The following RASGEF1C variants were observed in gnomAD, a reference collection of about 807,000 sequenced individuals.
RASGEF1C encodes RasGEF domain family member 1C.
Under a neutral mutation model 58.1 loss-of-function variants are expected in RASGEF1C, and 27 were observed. The ratio of observed to expected loss-of-function variants is 0.46; its 90% CI spans 0.34 to 0.64. The LOEUF is 0.64. RASGEF1C is among the 30% of genes least tolerant of loss of function. The pLI is 0.01. For synonymous variants in RASGEF1C, 243 were observed against 246.3 expected (o/e 0.99, Z 0.13); for missense variants, 502 against 605.1 (o/e 0.83, Z 1.79).
intron 1 of RASGEF1C, among the ~76,000 whole-genome samples, chr5:180,172,028 G>C (rs1767115490): frequency 6.6e-6 from 1 of 152,208 alleles, no homozygotes; most frequent in Admixed American, 6.5e-5. Context: ...ACACCCGCAA[G>C]GAATCTGCAC....
chr5:180,154,636 A>C (rs1016796586), intron 1 of RASGEF1C, among the ~76,000 whole-genome samples: 2 of 147,892 alleles, frequency 1.4e-5, no homozygotes, highest in Non-Finnish European at 3.0e-5. Flanking sequence ...CCTGGAGTGC[A>C]GTGGTGCAAA....
chr5:180,193,012 C>T (rs960329419), intron 1 of RASGEF1C, among the ~76,000 whole-genome samples: 19 of 151,424 alleles, frequency 1.3e-4, no homozygotes, highest in South Asian at 4.2e-4. Context: ...TCCCAAAGTG[C>T]CAGGATTACA....
At chr5:180,165,911 G>A (rs1283354119) in intron 1 of RASGEF1C, among the ~76,000 whole-genome samples, 3 of 150,990 alleles carry the variant, frequency 2.0e-5, no homozygotes, top group East Asian at 2.0e-4. Flanking sequence ...CATGACACCC[G>A]GCTCATTTTT....
chr5:180,135,044 C>CT (rs1766446250), intron 4 of RASGEF1C, among the ~76,000 whole-genome samples: 1 of 67,902 alleles, frequency 1.5e-5, no homozygotes, highest in Non-Finnish European at 5.0e-5. Flanking sequence ...CCGCTGTCCC[C>CT]ACCCCCCCCG....
chr5:180,171,485 C>T (rs774155000), intron 1 of RASGEF1C, among the ~76,000 whole-genome samples: 6 of 152,136 alleles, frequency 3.9e-5, no homozygotes, highest in Non-Finnish European at 7.3e-5. Context: ...CCTCCGAGGC[C>T]GAGGGACGTG....
At chr5:180,142,910 C>A (rs752339299) in intron 1 of RASGEF1C, among the ~76,000 whole-genome samples, 1 of 152,106 alleles carries the variant, frequency 6.6e-6, no homozygotes, top group Non-Finnish European at 1.5e-5. Context: ...CCCGCTGTGG[C>A]AAGGGCACTG....
chr5:180,128,460 C>A lies in RASGEF1C; in HGVS notation c.589G>T (p.Val197Phe). 1.9e-6 allele frequency: 3 copies of A among 1,614,090 alleles called. No individual in the cohort carries two copies. Among genetic ancestry groups the A allele is most frequent in the Non-Finnish European group, 2.5e-6 (3 of 1,180,014 alleles). Residue 197 changes from valine (V) to phenylalanine (F), a missense_variant, in exon 5 of 14, where the codon GTC becomes TTC. Val to Phe is a conservative substitution (Grantham distance 50). Transcript: ENST00000361132. The part of the protein sequence containing the change: ...PASIHRELLG[V>F]CSDPYTLAQQ... ...GCCAGTGTGTAGGGGTCGCTGCAGA[C>A]ACCAAGGAGCTCCCTGTGGATGGAG... is the stretch of plus-strand genomic sequence containing the variant.
intron 1 of RASGEF1C, among the ~76,000 whole-genome samples, chr5:180,153,134 TG>T (rs1322020928): frequency 3.3e-5 from 5 of 152,146 alleles, no homozygotes; most frequent in African/African-American, 7.2e-5. Flanking sequence ...GGGGAGGTAG[TG>T]GGGAATTTAA....
chr5:180,140,843 G>T (rs1159984819), intron 1 of RASGEF1C, among the ~76,000 whole-genome samples: 2 of 152,234 alleles, frequency 1.3e-5, no homozygotes, highest in Non-Finnish European at 2.9e-5. Context: ...ACCAGCATGT[G>T]CAGAGGCTCG....
chr5:180,143,163 A>G lies in RASGEF1C; in HGVS notation c.-6-5105T>C, dbSNP rs569269103. ...CAGGTCTGCAGAGAGACAGGCAGAC[A>G]GGGGACAGGATCCCACGTGCCACCC... On this transcript the variant is annotated intron_variant, in intron 1 of 13. Coordinates refer to ENST00000361132, the MANE Select transcript of RASGEF1C (RefSeq NM_175062.4). The surrounding 1 kb of genome is among the most constrained non-coding windows in gnomAD (Gnocchi z 4.3). Among the ~76,000 whole-genome samples the G allele has an allele frequency of 4.6e-5, 7 of 151,420 alleles. No homozygotes were observed. Among genetic ancestry groups the G allele is most frequent in the Admixed American group, 2.0e-4 (3 of 15,246 alleles).
intron 1 of RASGEF1C, among the ~76,000 whole-genome samples, chr5:180,190,388 G>T (rs551169334): frequency 3.7e-4 from 56 of 151,260 alleles, no homozygotes; most frequent in African/African-American, 1.4e-3. Flanking sequence ...TACTCGGGAG[G>T]CTGAGGCAGG....
intron 1 of RASGEF1C, among the ~76,000 whole-genome samples, chr5:180,170,615 C>G (rs1472735316): frequency 2.6e-5 from 4 of 152,214 alleles, no homozygotes. Flanking sequence ...AAGTCACCAT[C>G]TGGTTTCCTC....
chr5:180,170,824 C>T (rs1342247168), intron 1 of RASGEF1C, among the ~76,000 whole-genome samples: 5 of 152,350 alleles, frequency 3.3e-5, no homozygotes, highest in East Asian at 1.9e-4. Context: ...GGTCCTGCTC[C>T]GCTTGTCTTC....
chr5:180,152,311 C>T lies in RASGEF1C; in HGVS notation c.-6-14253G>A, dbSNP rs369956804. ...CACAATAGCAAAGACTTGGAACCAA[C>T]CCAAATGTCCAACAATGATAGACTG... is the stretch of plus-strand genomic sequence containing the variant. On this transcript the variant is annotated intron_variant, in intron 1 of 13. Transcript: ENST00000361132. Among the ~76,000 whole-genome samples, 682 of 152,162 alleles carry T rather than the reference C, an allele frequency of 4.5e-3. 8 individuals carry two copies. Among genetic ancestry groups the T allele is most frequent in the African/African-American group, 0.014 (598 of 41,502 alleles).
At chr5:180,129,826 G>C (rs1481521985) in intron 4 of RASGEF1C, among the ~76,000 whole-genome samples, 1 of 152,210 alleles carries the variant, frequency 6.6e-6, no homozygotes, top group African/African-American at 2.4e-5. Flanking sequence ...CAAACCCCTT[G>C]AGGACATGAG....
intron 1 of RASGEF1C, among the ~76,000 whole-genome samples, chr5:180,153,175 C>T (rs1766791939): frequency 6.6e-6 from 1 of 152,148 alleles, no homozygotes. Flanking sequence ...CCCATGGAAG[C>T]CTTTTCACCA....
At chr5:180,105,644 G>A (rs1165590561) in intron 12 of RASGEF1C, among the ~76,000 whole-genome samples, 2 of 151,284 alleles carry the variant, frequency 1.3e-5, no homozygotes, top group Admixed American at 1.3e-4. Context: ...GAGGCTGGTG[G>A]ATCACTTGAG....
chr5:180,179,270 G>T (rs1767281836), intron 1 of RASGEF1C, among the ~76,000 whole-genome samples: 1 of 152,266 alleles, frequency 6.6e-6, no homozygotes, highest in African/African-American at 2.4e-5. Flanking sequence ...ACCCACCTGG[G>T]TGACTTGTCT....
chr5:180,196,675 C>T (rs753493849), intron 1 of RASGEF1C, among the ~76,000 whole-genome samples: 3 of 152,162 alleles, frequency 2.0e-5, no homozygotes, highest in Admixed American at 6.5e-5. Context: ...CTGCTATCCT[C>T]GCCACCTGGG....
Sources: gnomAD v4.1 joint callset for allele counts (sites outside exome capture counted in the v4.1 genomes callset) on GRCh38, gnomAD v4.1.1 for gene constraint, Gnocchi (gnomAD v3.1) non-coding constraint, MANE v1.5 for transcripts, NCBI Gene and HGNC (gene_info 2026-07-23, HGNC 2026-07-21) for gene names.